PRDM2: variants seen among roughly 807,000 people sequenced by gnomAD.
PRDM2 encodes the protein PR domain zinc finger protein 2.
In PRDM2, 30 loss-of-function variants were observed where a neutral mutation model predicts 130.0. The observed-to-expected ratio is 0.23, with a 90% confidence interval of 0.17 to 0.31. PRDM2 has a LOEUF of 0.31. Ranked by LOEUF, PRDM2 falls within the 10% of genes least tolerant of loss-of-function variation. The pLI, the probability that PRDM2 is intolerant of heterozygous loss-of-function variation, is 1.00. For missense variants in PRDM2, 2,011 were observed against 2,108.4 expected (o/e 0.95, Z 0.90); for synonymous variants, 871 against 782.4 (o/e 1.11, Z -1.89).
chr1:13,782,770 G>T lies in PRDM2; in HGVS notation c.4975G>T (p.Ala1659Ser), dbSNP rs773178852. ...VTRSLQLAAA[A>S]DLSENKREDG... The stretch of plus-strand genomic sequence containing the variant: ...CCGGAGCCTTCAGCTGGCAGCTGCT[G>T]CTGACTTGAGTGAGAACAAGAGAGA... The change falls in exon 8 of 10, where the codon GCT becomes TCT. Residue 1659 changes from alanine (A) to serine (S), a missense_variant. Around this residue, in one of 5 missense-constraint regions of PRDM2, gnomAD observed 410 missense variants for 395.9 expected, o/e 1.04. Coordinates refer to ENST00000311066, the MANE Select transcript of PRDM2 (RefSeq NM_001393986.1). 6.2e-7 allele frequency: 1 copy of T among 1,611,854 alleles called. No individual in the cohort carries two copies. Among genetic ancestry groups the T allele is most frequent in the Non-Finnish European group, 8.5e-7 (1 of 1,179,350 alleles).
rs1458434186 is a variant in PRDM2, at chr1:13,779,443, G to A, written c.1648G>A (p.Ala550Thr). The A allele has an allele frequency of 6.2e-7, 1 of 1,614,064 alleles. No homozygotes were observed. Among genetic ancestry groups the A allele is most frequent in the Non-Finnish European group, 8.5e-7 (1 of 1,180,048 alleles). Residue 550 changes from alanine (A) to threonine (T), a missense_variant, in exon 8 of 10, where the codon GCA (alanine) becomes ACA (threonine). Physicochemically the swap from Ala to Thr is moderately conservative, Grantham distance 58 (BLOSUM62 0). This residue lies in a region of PRDM2 where 1,288 missense variants were observed against 1,237.7 expected (regional missense o/e 1.04). Transcript: ENST00000311066. This position sits in a 1 kb window ranked among gnomAD's most constrained non-coding sequence, Gnocchi z 4.9. ...PSTEPEEEGE[A>T]DDVYIMDISS... is the part of the protein sequence containing the mutation. ...CACAGAGCCGGAGGAGGAAGGGGAA[G>A]CAGATGATGTGTACATCATGGACAT...
chr1:13,731,634 C>A (rs1202810350), intron 3 of PRDM2, among the ~76,000 whole-genome samples: 1 of 152,090 alleles, frequency 6.6e-6, no homozygotes, highest in Non-Finnish European at 1.5e-5. Context: ...TATCTAAATT[C>A]TTCTGGCTGG....
chr1:13,812,291 T>G (rs1437423718), intron 8 of PRDM2, among the ~76,000 whole-genome samples: 1 of 149,474 alleles, frequency 6.7e-6, no homozygotes, highest in Admixed American at 6.7e-5. Flanking sequence ...GGAGGCAGAA[T>G]TAAGGGACCC....
rs1644639077 is a variant in PRDM2, at chr1:13,782,554, G to A, written c.4759G>A (p.Val1587Ile). 1.2e-6 allele frequency: 2 copies of A among 1,614,148 alleles called. No homozygotes were observed. The highest frequency in any genetic ancestry group is 1.3e-5 in the African/African-American group (1 of 75,050). ...GATAAGAATGGCCAAAATAACTCAT[G>A]TTGAGGGGAAAAAACCTAAAGCTGT... ...SPIRMAKITH[V>I]EGKKPKAVAK... Residue 1587 changes from valine (V) to isoleucine (I), a missense_variant, in exon 8 of 10, where the codon GTT becomes ATT. Transcript: ENST00000311066.
intron 8 of PRDM2, among the ~76,000 whole-genome samples, chr1:13,807,332 C>T (rs144737370): frequency 1.2e-3 from 176 of 152,374 alleles, no homozygotes; most frequent in African/African-American, 4.1e-3. Flanking sequence ...TAGATGACTG[C>T]TACTGTATGC....
intron 9 of PRDM2, among the ~76,000 whole-genome samples, chr1:13,821,528 T>A (rs1372637363): frequency 1.3e-5 from 2 of 151,900 alleles, no homozygotes; most frequent in African/African-American, 4.8e-5. Context: ...AGTGGCGCAA[T>A]CTCAGGTCGC....
chr1:13,737,564 A>C (rs763112146), intron 4 of PRDM2, among the ~76,000 whole-genome samples: 15 of 152,192 alleles, frequency 9.9e-5, no homozygotes, highest in African/African-American at 1.7e-4. Context: ...TTTGCTGAGA[A>C]GCTGAGTGGT....
At chr1:13,708,867 GTC>G (rs1198606247) in intron 1 of PRDM2, among the ~76,000 whole-genome samples, 1 of 152,114 alleles carries the variant, frequency 6.6e-6, no homozygotes, top group Middle Eastern at 3.2e-3. Context: ...TGTCTGCGCA[GTC>G]TCTCTCCACA....
intron 2 of PRDM2, among the ~76,000 whole-genome samples, chr1:13,725,088 G>T (rs1642867748): frequency 6.6e-6 from 1 of 152,116 alleles, no homozygotes; most frequent in African/African-American, 2.4e-5. Context: ...AGCAGCTTGA[G>T]CTTTTTGATG....
intron 5 of PRDM2, among the ~76,000 whole-genome samples, chr1:13,744,147 T>G (rs889641649): frequency 2.6e-5 from 4 of 152,206 alleles, no homozygotes; most frequent in African/African-American, 9.7e-5. Context: ...TACTTCAAGT[T>G]AAAATGTGTT....
chr1:13,720,696 T>C (rs865815620), intron 2 of PRDM2, among the ~76,000 whole-genome samples: 4 of 152,324 alleles, frequency 2.6e-5, no homozygotes, highest in African/African-American at 9.6e-5. Flanking sequence ...GTTCAGTAAG[T>C]CATTTACTAT....
rs1258845969 is a variant in PRDM2, at chr1:13,779,973, G to A, written c.2178G>A (p.Leu726=). Residue 726 remains leucine, a synonymous_variant, in exon 8 of 10, where the codon TTG becomes TTA. Transcript: ENST00000311066. This position sits in a 1 kb window ranked among gnomAD's most constrained non-coding sequence, Gnocchi z 4.9. The part of the protein sequence containing the change: ...PVCVSAPASM[L]PVTSSRFKRR... The stretch of plus-strand genomic sequence containing the variant: ...GTGTGTCTGCTCCTGCATCAATGTT[G>A]CCTGTGACCTCAAGTAGGTTTAAGA... 6.2e-7 allele frequency: 1 copy of A among 1,614,078 alleles called. No homozygotes were observed. The highest frequency in any genetic ancestry group is 8.5e-7 in the Non-Finnish European group (1 of 1,180,046).
At chr1:13,816,881 C>T (rs1245210197) in intron 9 of PRDM2, among the ~76,000 whole-genome samples, 1 of 152,214 alleles carries the variant, frequency 6.6e-6, no homozygotes, top group Non-Finnish European at 1.5e-5. Context: ...GTGATTGTGA[C>T]AATTACGAGT....
chr1:13,742,532 T>C (rs1266022471), intron 5 of PRDM2, among the ~76,000 whole-genome samples: 2 of 152,212 alleles, frequency 1.3e-5, no homozygotes, highest in Non-Finnish European at 2.9e-5. Context: ...CTGTCCTTAG[T>C]TGTGACTGAC....
At chr1:13,798,118 C>T (rs1424456330) in intron 8 of PRDM2, among the ~76,000 whole-genome samples, 4 of 152,060 alleles carry the variant, frequency 2.6e-5, no homozygotes, top group Non-Finnish European at 4.4e-5. Context: ...CAACACAGCG[C>T]CCTGCATGTG....
At chr1:13,793,641 C>G (rs1644877301) in intron 8 of PRDM2, among the ~76,000 whole-genome samples, 1 of 152,134 alleles carries the variant, frequency 6.6e-6, no homozygotes, top group African/African-American at 2.4e-5. Context: ...TAAAACACTC[C>G]TAAAGGCTTC....
chr1:13,715,649 G>T, intron 2 of PRDM2, 35 bp downstream of exon 2: 1 of 1,559,588 alleles, frequency 6.4e-7, no homozygotes, highest in South Asian at 1.2e-5. Context: ...ACAAATACAT[G>T]ACCTAGATGT....
chr1:13,792,500 C>A (rs1211586777), intron 8 of PRDM2, among the ~76,000 whole-genome samples: 1 of 152,188 alleles, frequency 6.6e-6, no homozygotes, highest in Non-Finnish European at 1.5e-5. Flanking sequence ...TTCTCACTTG[C>A]TTTTTATAAT....
chr1:13,779,079 G>T lies in PRDM2; in HGVS notation c.1284G>T (p.Glu428Asp). 6.2e-7 allele frequency: 1 copy of T among 1,614,186 alleles called. No individual in the cohort carries two copies. Among genetic ancestry groups the T allele is most frequent in the Middle Eastern group, 1.6e-4 (1 of 6,062 alleles). Residue 428 changes from glutamate (E) to aspartate (D), a missense_variant, in exon 8 of 10, where the codon GAG becomes GAT. Around this residue, in one of 5 missense-constraint regions of PRDM2, gnomAD observed 1,288 missense variants for 1,237.7 expected, o/e 1.04. Coordinates refer to ENST00000311066, the MANE Select transcript of PRDM2 (RefSeq NM_001393986.1). This position sits in a 1 kb window ranked among gnomAD's most constrained non-coding sequence, Gnocchi z 4.9. The part of the protein sequence containing the change: ...RKPSQTLQPS[E>D]DLADGKASGE... ...CCAGCCAAACACTACAGCCGTCAGA[G>T]GATCTGGCTGATGGCAAAGCATCTG... is the stretch of plus-strand genomic sequence containing the variant.
Sources: allele counts gnomAD v4.1 joint callset (sites outside exome capture counted in the v4.1 genomes callset), GRCh38; gene constraint gnomAD v4.1.1; regional missense constraint gnomAD v4.1.1; non-coding constraint Gnocchi (gnomAD v3.1); transcripts MANE v1.5; gene names NCBI Gene and HGNC (gene_info 2026-07-23, HGNC 2026-07-21).